The following WDPCP variants were observed in gnomAD, a reference collection of about 807,000 sequenced individuals.
WDPCP encodes the protein WD repeat-containing and planar cell polarity effector protein fritz homolog.
In WDPCP, 71 loss-of-function variants were observed where a neutral mutation model predicts 93.1. That is an observed-to-expected ratio of 0.76 (90% CI 0.63 to 0.93). The LOEUF is 0.93. WDPCP is among the 40% of genes least tolerant of loss of function. The pLI is 0.00. For missense variants in WDPCP, 844 were observed against 887.4 expected (o/e 0.95, Z 0.62); for synonymous variants, 315 against 315.0 (o/e 1.00, Z 0.00).
intron 2 of WDPCP, among the ~76,000 whole-genome samples, chr2:63,756,186 A>C (rs1669965860): frequency 6.6e-6 from 1 of 152,206 alleles, no homozygotes. Context: ...ACATTTAACA[A>C]CTCAGAACTA....
At chr2:63,473,636 TG>T (rs1699809850) in intron 6 of WDPCP, among the ~76,000 whole-genome samples, 1 of 152,216 alleles carries the variant, frequency 6.6e-6, no homozygotes, top group Admixed American at 6.5e-5. Flanking sequence ...CATAGCCATC[TG>T]GTTTGCAACT....
At chr2:63,816,711 T>G (rs1217759798) in intron 1 of WDPCP, among the ~76,000 whole-genome samples, 2 of 152,196 alleles carry the variant, frequency 1.3e-5, no homozygotes, top group Non-Finnish European at 2.9e-5. Flanking sequence ...TTTGTAGTCA[T>G]TTGTTAAGGC....
chr2:63,732,497 A>G (rs1266992351), intron 2 of WDPCP, among the ~76,000 whole-genome samples: 3 of 152,240 alleles, frequency 2.0e-5, no homozygotes, highest in South Asian at 2.1e-4. Context: ...CCTAAAAACT[A>G]TAATAAGAAA....
chr2:63,541,793 T>C (rs1272349503), intron 1 of WDPCP, among the ~76,000 whole-genome samples: 1 of 152,162 alleles, frequency 6.6e-6, no homozygotes, highest in African/African-American at 2.4e-5. Context: ...TTGGGCTACA[T>C]TTTCAGTCAG....
chr2:63,248,944 A>G (rs1028011895), intron 14 of WDPCP, among the ~76,000 whole-genome samples: 2 of 149,994 alleles, frequency 1.3e-5, no homozygotes, highest in African/African-American at 4.9e-5. Context: ...AGTTCTTTAT[A>G]TGGTTTCCTT....
At chr2:63,765,247 A>G (rs1439101946) in intron 2 of WDPCP, among the ~76,000 whole-genome samples, 1 of 152,218 alleles carries the variant, frequency 6.6e-6, no homozygotes, top group African/African-American at 2.4e-5. Context: ...CTGAGGAGAC[A>G]TTTCAGCTGA....
intron 12 of WDPCP, among the ~76,000 whole-genome samples, chr2:63,326,867 G>A (rs1277583356): frequency 6.6e-6 from 1 of 152,112 alleles, no homozygotes; most frequent in Non-Finnish European, 1.5e-5. Flanking sequence ...TTAAAAGCCA[G>A]GTAAATTTAA....
chr2:63,645,437 T>A (rs2106634551), intron 3 of WDPCP, among the ~76,000 whole-genome samples: 1 of 152,312 alleles, frequency 6.6e-6, no homozygotes, highest in South Asian at 2.1e-4. Context: ...GGTTTACCCT[T>A]GAGAATGATC....
At chr2:63,722,195 C>G (rs2103792412) in intron 2 of WDPCP, among the ~76,000 whole-genome samples, 1 of 150,540 alleles carries the variant, frequency 6.6e-6, no homozygotes, top group East Asian at 2.0e-4. Flanking sequence ...CGCCCATCAT[C>G]TGGGATGTGA....
At chr2:63,730,839 G>A (rs772697040) in intron 2 of WDPCP, among the ~76,000 whole-genome samples, 34 of 151,996 alleles carry the variant, frequency 2.2e-4, no homozygotes, top group Non-Finnish European at 4.0e-4. Context: ...GTGATTAAAT[G>A]TTGATGTCCT....
At chr2:63,228,412 T>TTTGA (rs1678496549) in intron 14 of WDPCP, 1 of 150,220 alleles carries the variant, frequency 6.7e-6, no homozygotes, top group African/African-American at 2.4e-5. Context: ...TTTTGAATTT[T>TTTGA]TTGATTGATT....
chr2:63,322,355 G>A (rs1050921137), intron 12 of WDPCP, among the ~76,000 whole-genome samples: 6 of 152,140 alleles, frequency 3.9e-5, no homozygotes, highest in South Asian at 4.1e-4. Flanking sequence ...CAACCCGCTC[G>A]GGTCCCCTTC....
chr2:63,265,379 ATAC>A (rs1359919489), intron 13 of WDPCP, among the ~76,000 whole-genome samples: 1 of 152,118 alleles, frequency 6.6e-6, no homozygotes. Flanking sequence ...GAATCACAAC[ATAC>A]TACTACTACT....
At chr2:63,691,692 C>T (rs565958821) in intron 2 of WDPCP, among the ~76,000 whole-genome samples, 1 of 151,838 alleles carries the variant, frequency 6.6e-6, no homozygotes, top group Non-Finnish European at 1.5e-5. Flanking sequence ...GTAACTGAAA[C>T]CAGCTGAGAC....
At chr2:63,412,871 G>C (rs1290768751) in intron 9 of WDPCP, among the ~76,000 whole-genome samples, 2 of 151,886 alleles carry the variant, frequency 1.3e-5, no homozygotes, top group Non-Finnish European at 2.9e-5. Context: ...AGAAATCATA[G>C]ATGACACAAA....
At chr2:63,164,838 C>G (rs1012623944) in intron 15 of WDPCP, among the ~76,000 whole-genome samples, 4 of 151,968 alleles carry the variant, frequency 2.6e-5, no homozygotes, top group Non-Finnish European at 4.4e-5. Flanking sequence ...GATATTAAAA[C>G]AAACTAAGTT....
intron 14 of WDPCP, among the ~76,000 whole-genome samples, chr2:63,253,490 A>T (rs940020087): frequency 2.0e-5 from 3 of 152,136 alleles, no homozygotes; most frequent in African/African-American, 7.2e-5. Flanking sequence ...AAACTATGCT[A>T]TGCATTTAAC....
chr2:63,465,773 C>A (rs1294778180), intron 6 of WDPCP, among the ~76,000 whole-genome samples: 1 of 152,114 alleles, frequency 6.6e-6, no homozygotes, highest in Non-Finnish European at 1.5e-5. Flanking sequence ...CTGTTCTATG[C>A]TGATTATTGT....
chr2:63,375,417 T>C (rs967108822), intron 12 of WDPCP, among the ~76,000 whole-genome samples: 5 of 151,980 alleles, frequency 3.3e-5, no homozygotes, highest in Non-Finnish European at 5.9e-5. Flanking sequence ...AATTTTATTA[T>C]AATAAATACT....
Sources: gnomAD v4.1 joint callset for allele counts (sites outside exome capture counted in the v4.1 genomes callset) on GRCh38, gnomAD v4.1.1 for gene constraint, MANE v1.5 for transcripts, NCBI Gene and HGNC (gene_info 2026-07-23, HGNC 2026-07-21) for gene names.